CROCC: variants seen among roughly 807,000 people sequenced by gnomAD.
CROCC encodes ciliary rootlet coiled-coil, rootletin, also known as rootletin.
CROCC carries 180 observed loss-of-function variants against 245.2 expected under a neutral mutation model. The observed-to-expected ratio is 0.73, with a 90% CI of 0.65 to 0.83. The LOEUF (loss-of-function observed/expected upper bound fraction) is 0.83, where lower values mean the gene tolerates loss of function less well. CROCC is among the 40% of genes least tolerant of loss of function. The probability of loss-of-function intolerance (pLI) is 0.00; values close to 1 mark genes in which losing one functional copy is unlikely to be tolerated. For synonymous variants in CROCC, 1,205 were observed against 1,241.6 expected (o/e 0.97, Z 0.62); for missense variants, 2,688 against 2,779.4 (o/e 0.97, Z 0.74).
chr1:16,961,188 C>T (rs2076327561), intron 27 of CROCC, 58 bp downstream of exon 27: 2 of 1,252,802 alleles, frequency 1.6e-6, no homozygotes, highest in Non-Finnish European at 2.0e-6. Context: ...ACTGAGGCCC[C>T]GCCCCCACAT....
chr1:16,934,952 T>G (rs1397142776), intron 8 of CROCC, among the ~76,000 whole-genome samples: 3 of 150,968 alleles, frequency 2.0e-5, no homozygotes, highest in Admixed American at 6.7e-5. Flanking sequence ...CATGCTGGAG[T>G]GCAGTGGCAC....
Position 16,972,504 on chromosome 1 carries a change from T to G in CROCC, c.*58T>G. The G allele has an allele frequency of 4.0e-6, 5 of 1,244,494 alleles. No individual in the cohort carries two copies. Among genetic ancestry groups the G allele is most frequent in the Non-Finnish European group, 4.4e-6 (4 of 899,778 alleles). 77.1% of individuals were successfully genotyped at this position (1,244,494 alleles called of 1,614,324 possible). On this transcript the variant is annotated 3_prime_UTR_variant, in exon 37 of 37. Coordinates refer to ENST00000375541, the MANE Select transcript of CROCC (RefSeq NM_014675.5). ...CCTGGGACAGGGGAGGACCCTTCTT[T>G]TGGACAGCCCCCCCACCCAGAGCCC...
rs2075802173 is a variant in CROCC, at chr1:16,936,854, A to G, written c.1174A>G (p.Lys392Glu). ...GCAGCAGATGCAAAGCGACCTGGAC[A>G]AGGCTGACCTCAGTGCCAGGTGGGT... ...AQQQMQSDLD[K>E]ADLSARVTEL... Residue 392 changes from lysine to glutamate, a missense_variant, in exon 9 of 37, where the codon AAG becomes GAG. By Grantham distance (56) the Lys-to-Glu change is moderately conservative. Around this residue, in one of 9 missense-constraint regions of CROCC, gnomAD observed 972 missense variants for 895.3 expected, o/e 1.09. Transcript: ENST00000375541. 1 of 1,611,148 alleles carries G rather than the reference A, an allele frequency of 6.2e-7. No homozygotes were observed. Among genetic ancestry groups the G allele is most frequent in the African/African-American group, 1.3e-5 (1 of 74,922 alleles).
chr1:16,962,669 C>G (rs562406900), intron 27 of CROCC, among the ~76,000 whole-genome samples: 5 of 150,500 alleles, frequency 3.3e-5, no homozygotes, highest in South Asian at 4.2e-4. Context: ...ACACTGTGCC[C>G]GGCACACCTG....
intron 8 of CROCC, among the ~76,000 whole-genome samples, chr1:16,933,835 AG>A (rs1488587094): frequency 6.6e-6 from 1 of 152,294 alleles, no homozygotes; most frequent in Non-Finnish European, 1.5e-5. Flanking sequence ...CTGGGATTAC[AG>A]GCCCAAGCCA....
chr1:16,915,182 G>A (rs989969512), intron 1 of CROCC, among the ~76,000 whole-genome samples: 1 of 152,284 alleles, frequency 6.6e-6, no homozygotes, highest in Non-Finnish European at 1.5e-5. Flanking sequence ...GGCTGGATAT[G>A]TGTTCGCTGG....
rs3895543 is a variant in CROCC at position 16,950,990 on chromosome 1, A to G, written c.2874A>G (p.Thr958=). The change falls in exon 20 of 37, where the codon ACA becomes ACG. Residue 958 remains threonine (T), a synonymous_variant. Coordinates refer to ENST00000375541, the MANE Select transcript of CROCC (RefSeq NM_014675.5). ...LAGLRQQIIA[T]QEKASLDKEL... is the part of the protein sequence containing the mutation. Reference sequence around the variant, plus strand: ...GCCTGCGGCAGCAAATAATAGCTACACAGGAGAAAGCCAGTCTAGACAAGG... The same window carrying G: ...GCCTGCGGCAGCAAATAATAGCTACGCAGGAGAAAGCCAGTCTAGACAAGG... The G allele has an allele frequency of 1.2e-4, 189 of 1,595,710 alleles. No individual in the cohort carries two copies. The highest frequency in any genetic ancestry group is 4.3e-4 in the African/African-American group (32 of 74,206).
upstream of CROCC, among the ~76,000 whole-genome samples, chr1:16,918,270 T>A (rs1432070464): frequency 1.3e-5 from 2 of 148,716 alleles, no homozygotes; most frequent in Non-Finnish European, 3.0e-5. Flanking sequence ...CTGAAGCTGT[T>A]AGCATCCAGA....
chr1:16,944,186 C>T lies in CROCC; in HGVS notation c.1895C>T (p.Ala632Val). 6.4e-7 allele frequency: 1 copy of T among 1,555,482 alleles called. No homozygotes were observed. The highest frequency in any genetic ancestry group is 8.7e-7 in the Non-Finnish European group (1 of 1,149,470). ...LRQEREKLQA[A>V]QEELRRQRDR... ...CAGGAGCGGGAGAAGCTGCAGGCTG[C>T]CCAGGAGGAGCTGCGGCGCCAGCGG... Residue 632 changes from alanine to valine, a missense_variant, in exon 14 of 37, where the codon GCC (alanine) becomes GTC (valine). Ala to Val is a moderately conservative substitution (Grantham distance 64). This residue lies in a region of CROCC where 972 missense variants were observed against 895.3 expected (regional missense o/e 1.09). Coordinates refer to ENST00000375541, the MANE Select transcript of CROCC (RefSeq NM_014675.5).
intron 13 of CROCC, among the ~76,000 whole-genome samples, chr1:16,942,030 A>G (rs1356621710): frequency 1.3e-5 from 2 of 152,106 alleles, no homozygotes; most frequent in African/African-American, 4.8e-5. Flanking sequence ...TCTTAATTTG[A>G]GACAGGGTCT....
rs1361932963 is a variant in CROCC at position 16,972,769 on chromosome 1, G to A, written c.*323G>A. 1.0e-5 allele frequency: 2 copies of A among 193,664 alleles called. No individual in the cohort carries two copies. The highest frequency in any genetic ancestry group is 2.3e-5 in the African/African-American group (1 of 42,726). The allele number at this position is 193,664 out of a possible 1,614,324, so 12.0% of individuals were successfully genotyped here. A position where few individuals can be genotyped will look rare whatever the true frequency, so the allele number is the denominator to read the frequency against. The stretch of plus-strand genomic sequence containing the variant: ...CCCTGGAGCATGGGATCGTGGGAAA[G>A]AGGAGGGGGACCAGGCCCAGGGCAG... On this transcript the variant is annotated 3_prime_UTR_variant, in exon 37 of 37. Transcript: ENST00000375541.
chr1:16,917,066 C>T (rs1342107110), upstream of CROCC, among the ~76,000 whole-genome samples: 10 of 152,274 alleles, frequency 6.6e-5, no homozygotes, highest in Non-Finnish European at 1.2e-4. Flanking sequence ...TGCAGTCAGC[C>T]GAGATCGTGC....
intron 24 of CROCC, 95 bp from the exon 25 acceptor site, chr1:16,955,902 C>G: frequency 6.8e-7 from 1 of 1,459,872 alleles, no homozygotes; most frequent in Non-Finnish European, 9.3e-7. Context: ...CAGGCAGTGC[C>G]TGATCCACTC....
chr1:16,916,881 G>A (rs1309576067), intron 1 of CROCC, among the ~76,000 whole-genome samples: 3 of 152,280 alleles, frequency 2.0e-5, no homozygotes, highest in Non-Finnish European at 4.4e-5. Flanking sequence ...ACTTTGAGAG[G>A]CCGAGGCGGG....
chr1:16,931,258 A>C (rs191113066), intron 7 of CROCC, 33 bp from the exon 8 acceptor site: 275 of 1,583,248 alleles, frequency 1.7e-4, no homozygotes, highest in South Asian at 4.9e-4. Context: ...CCGCTCTCAC[A>C]CCAACCCTTC....
chr1:16,918,731 G>GTTTTT (rs1322555949), upstream of CROCC, among the ~76,000 whole-genome samples: 12 of 78,028 alleles, frequency 1.5e-4, no homozygotes, highest in African/African-American at 5.4e-4. Flanking sequence ...GGCCGGTTTA[G>GTTTTT]TTTTTTGTTT....
chr1:16,938,916 T>C lies in CROCC; in HGVS notation c.1382T>C (p.Leu461Ser). 1.2e-6 allele frequency: 2 copies of C among 1,603,296 alleles called. No homozygotes were observed. Among genetic ancestry groups the C allele is most frequent in the East Asian group, 2.3e-5 (1 of 44,408 alleles). The change falls in exon 12 of 37, where the codon TTG becomes TCG. Residue 461 changes from leucine (L) to serine (S), a missense_variant. This residue lies in a region of CROCC where 972 missense variants were observed against 895.3 expected (regional missense o/e 1.09). Coordinates refer to ENST00000375541, the MANE Select transcript of CROCC (RefSeq NM_014675.5). ...QTLRDLAQAV[L>S]SDSESGVQLS... Reference sequence around the variant, plus strand: ...TCCCTCCCCCACCCTCAGGCCGTCTTGTCAGACTCTGAGAGCGGCGTCCAG... The same window carrying C: ...TCCCTCCCCCACCCTCAGGCCGTCTCGTCAGACTCTGAGAGCGGCGTCCAG...
At chr1:16,970,929 C>T in intron 35 of CROCC, 162 bp downstream of exon 35, 1 of 792,864 alleles carries the variant, frequency 1.3e-6, no homozygotes, top group Non-Finnish European at 1.8e-6. Flanking sequence ...ATGGGTTCTC[C>T]CTAAGGTGTA....
rs111787883 is a variant in CROCC at position 16,930,181 on chromosome 1, G to C, written c.595G>C (p.Gly199Arg). Residue 199 changes from glycine to arginine, a missense_variant, in exon 5 of 37, where the codon GGA (glycine) becomes CGA (arginine). Coordinates refer to ENST00000375541, the MANE Select transcript of CROCC (RefSeq NM_014675.5). The stretch of plus-strand genomic sequence containing the variant: ...GGAGCAGCAGCTGCTGGAGAGATCC[G>C]GAGAGCTGGAGCAGCAGCGGCTGAG... The part of the protein sequence containing the change: ...ELEQQLLERS[G>R]ELEQQRLRDT... 6.3e-7 allele frequency: 1 copy of C among 1,592,412 alleles called. No individual in the cohort carries two copies. The highest frequency in any genetic ancestry group is 8.5e-7 in the Non-Finnish European group (1 of 1,170,218).
Sources: gnomAD v4.1 joint callset for allele counts (sites outside exome capture counted in the v4.1 genomes callset) on GRCh38, gnomAD v4.1.1 for gene constraint, gnomAD v4.1.1 regional missense constraint, MANE v1.5 for transcripts, NCBI Gene and HGNC (gene_info 2026-07-23, HGNC 2026-07-21) for gene names.